Variants in METTL13 observed in about 807,000 individuals in gnomAD.
METTL13 encodes the protein methyltransferase 13, eEF1A N-terminus and K55, also known as eEF1A lysine and N-terminal methyltransferase.
Under a neutral mutation model 67.4 loss-of-function variants are expected in METTL13, and 52 were observed. The observed-to-expected ratio is 0.77, with a 90% CI of 0.62 to 0.97. METTL13 has a LOEUF of 0.97. Ranked by LOEUF, METTL13 falls within the 50% of genes least tolerant of loss-of-function variation. The pLI, the probability that METTL13 is intolerant of heterozygous loss-of-function variation, is 0.00. For synonymous variants in METTL13, 354 were observed against 353.6 expected (o/e 1.00, Z -0.01); for missense variants, 825 against 889.6 (o/e 0.93, Z 0.92).
Position 171,796,890 on chromosome 1 carries a change from TC to T in METTL13, c.*136del. 1 of 1,185,238 alleles carries T rather than the reference TC, an allele frequency of 8.4e-7. No homozygotes were observed. Among genetic ancestry groups the T allele is most frequent in the African/African-American group, 1.5e-5 (1 of 65,404 alleles). 73.4% of individuals were successfully genotyped at this position (1,185,238 alleles called of 1,614,324 possible). A position where few individuals can be genotyped will look rare whatever the true frequency, so the allele number is the denominator to read the frequency against. ...GTTTCACACTCAGCTACATGTGACC[TC>T]CAGCTTGGTGAGGTTGCCTGAAGAT... On this transcript the variant is annotated 3_prime_UTR_variant, in exon 8 of 8. Coordinates refer to ENST00000361735, the MANE Select transcript of METTL13 (RefSeq NM_015935.5).
chr1:171,782,041 G>T lies in METTL13; in HGVS notation c.74G>T (p.Gly25Val). The T allele has an allele frequency of 1.2e-6, 2 of 1,614,112 alleles. No homozygotes were observed. The highest frequency in any genetic ancestry group is 1.7e-6 in the Non-Finnish European group (2 of 1,180,018). The change falls in exon 1 of 8, where the codon GGA becomes GTA. Residue 25 changes from glycine to valine, a missense_variant. Physicochemically the swap from Gly to Val is moderately radical, Grantham distance 109. Transcript: ENST00000361735. ...DYWEKFFQQR[G>V]KKAFEWYGTY... The stretch of plus-strand genomic sequence containing the variant: ...TGGGAGAAGTTCTTCCAGCAGCGAG[G>T]AAAGAAAGCTTTCGAGTGGTATGGA...
chr1:171,783,630 C>T, intron 1 of METTL13, 110 bp from the exon 2 acceptor site: 3 of 1,303,272 alleles, frequency 2.3e-6, no homozygotes, highest in East Asian at 2.3e-5. Context: ...GTAGCGTCTC[C>T]ACCTTCTGAA....
chr1:171,792,615 A>T (rs1657244711), intron 6 of METTL13, among the ~76,000 whole-genome samples: 2 of 152,342 alleles, frequency 1.3e-5, no homozygotes, highest in Admixed American at 1.3e-4. Flanking sequence ...TTTCAACTGG[A>T]GGTAAAGCCA....
Position 171,784,128 on chromosome 1 carries a change from T to C in METTL13, c.542T>C (p.Val181Ala). 1 of 1,614,154 alleles carries C rather than the reference T, an allele frequency of 6.2e-7. No homozygotes were observed. Residue 181 changes from valine (V) to alanine (A), a missense_variant, in exon 2 of 8, where the codon GTG (valine) becomes GCG (alanine). Coordinates refer to ENST00000361735, the MANE Select transcript of METTL13 (RefSeq NM_015935.5). ...CACTTCTCCCGGGAGGGGTGGATGG[T>C]GAGGGTGCACCAAGTGGCCAACAGC... ...VGHFSREGWM[V>A]RVHQVANSQD...
chr1:171,796,360 A>G, intron 7 of METTL13, 122 bp from the exon 8 acceptor site: 2 of 1,175,990 alleles, frequency 1.7e-6, no homozygotes, highest in Non-Finnish European at 2.4e-6. Flanking sequence ...ACTCATCACC[A>G]CCGTGTGTTT....
intron 1 of METTL13, among the ~76,000 whole-genome samples, chr1:171,783,148 C>T (rs79441597): frequency 0.11 from 16,813 of 151,386 alleles, 1,364 homozygotes; most frequent in South Asian, 0.34. Flanking sequence ...AGCATATGCA[C>T]ATCTCTTTGT....
At position 171,784,026 on chromosome 1, in the gene METTL13, G is replaced by C; in HGVS notation, c.440G>C (p.Gly147Ala). 1 of 1,614,220 alleles carries C rather than the reference G, an allele frequency of 6.2e-7. No individual in the cohort carries two copies. The highest frequency in any genetic ancestry group is 8.5e-7 in the Non-Finnish European group (1 of 1,180,034). ...GTGGACAGGATGCTGGCTGAGGTTG[G>C]CCGTGTCCTGCAGGTGGGCGGTCGC... ...QQVDRMLAEV[G>A]RVLQVGGRYL... Residue 147 changes from glycine to alanine, a missense_variant, in exon 2 of 8, where the codon GGC becomes GCC. By Grantham distance (60) the Gly-to-Ala change is moderately conservative (BLOSUM62 0). Coordinates refer to ENST00000361735, the MANE Select transcript of METTL13 (RefSeq NM_015935.5).
chr1:171,785,845 C>G, intron 2 of METTL13, 34 bp from the exon 3 acceptor site: 1 of 1,605,102 alleles, frequency 6.2e-7, no homozygotes, highest in Non-Finnish European at 8.5e-7. Flanking sequence ...TGATCACTTT[C>G]CAGGACTCCC....
At chr1:171,784,699 C>G (rs1479431062) in intron 2 of METTL13, among the ~76,000 whole-genome samples, 200 bp downstream of exon 2, 1 of 152,172 alleles carries the variant, frequency 6.6e-6, no homozygotes, top group Admixed American at 6.5e-5. Flanking sequence ...TAGCAACCTA[C>G]TTGGAGTTGA....
chr1:171,789,378 G>T (rs1408507718), intron 4 of METTL13, among the ~76,000 whole-genome samples: 1 of 152,096 alleles, frequency 6.6e-6, no homozygotes, highest in Admixed American at 6.6e-5. Context: ...TGGCTTTTTA[G>T]GATTTATTTC....
Position 171,790,566 on chromosome 1 carries a change from A to G in METTL13, c.1424A>G (p.Lys475Arg). 3.1e-6 allele frequency: 5 copies of G among 1,606,984 alleles called. No individual in the cohort carries two copies. In the African/African-American group the frequency reaches 5.4e-5, roughly 17 times the overall value. ...AGTTACCTGTGTTGTGAACACCACA[A>G]AGCCATGATCGCTGGCCTTGCCCTG... The part of the protein sequence containing the change: ...DKSYLCCEHH[K>R]AMIAGLALLR... Residue 475 changes from lysine (K) to arginine (R), a missense_variant, in exon 5 of 8, where the codon AAA becomes AGA. Lys to Arg is a conservative substitution (Grantham distance 26, BLOSUM62 2). Transcript: ENST00000361735.
chr1:171,784,471 G>A lies in METTL13; in HGVS notation c.885G>A (p.Ser295=), dbSNP rs774535348. Reference sequence around the variant, plus strand: ...TGGACAGCCCCACTGTGAAACCATCGCGGGACAATCATTTTGCGATTTTCA... The same window carrying A: ...TGGACAGCCCCACTGTGAAACCATCACGGGACAATCATTTTGCGATTTTCA... The part of the protein sequence containing the change: ...HVVDSPTVKP[S]RDNHFAIFII... The change falls in exon 2 of 8, where the codon TCG becomes TCA. Residue 295 remains serine, a synonymous_variant. Transcript: ENST00000361735. 5 of 1,505,882 alleles carry A rather than the reference G, an allele frequency of 3.3e-6. No individual in the cohort carries two copies. The highest frequency in any genetic ancestry group is 1.4e-5 in the South Asian group (1 of 73,828). 93.3% of individuals were successfully genotyped at this position (1,505,882 alleles called of 1,614,324 possible). A position where few individuals can be genotyped will look rare whatever the true frequency, so the allele number is the denominator to read the frequency against.
At chr1:171,794,746 A>G (rs1266549231) in intron 7 of METTL13, among the ~76,000 whole-genome samples, 1 of 152,146 alleles carries the variant, frequency 6.6e-6, no homozygotes, top group Non-Finnish European at 1.5e-5. Context: ...TCACTGTCTT[A>G]ACATTTGTCC....
intron 4 of METTL13, among the ~76,000 whole-genome samples, chr1:171,789,910 A>C (rs1288918551): frequency 6.6e-6 from 1 of 152,078 alleles, no homozygotes; most frequent in South Asian, 2.1e-4. Context: ...CCACCACTGT[A>C]TTTGTTTGTT....
chr1:171,794,684 C>T (rs1657309441), intron 7 of METTL13, among the ~76,000 whole-genome samples, 157 bp downstream of exon 7: 1 of 152,218 alleles, frequency 6.6e-6, no homozygotes. Context: ...TCCAGCTTGC[C>T]AGAAAGTCGT....
In METTL13 at chr1:171,790,471, G is replaced by A. The variant is rs772981009; in HGVS notation, c.1329G>A (p.Lys443=). The change falls in exon 5 of 8, where the codon AAG becomes AAA. Residue 443 remains lysine (K), a synonymous_variant. Transcript: ENST00000361735. ...GTTTAGCCCAGAAGAAGCGGAAAAAGGACAGGAAGAAGCAGCGGCCTGCTG... is the reference window on the plus strand; with the variant it reads ...GTTTAGCCCAGAAGAAGCGGAAAAAAGACAGGAAGAAGCAGCGGCCTGCTG... The part of the protein sequence containing the change: ...VSHKAQKKRK[K]DRKKQRPADA... 1.2e-6 allele frequency: 2 copies of A among 1,602,538 alleles called. No homozygotes were observed. Among genetic ancestry groups the A allele is most frequent in the South Asian group, 2.2e-5 (2 of 89,130 alleles).
At position 171,796,856 on chromosome 1, in the gene METTL13, T is replaced by C; in HGVS notation, c.*100T>C. On this transcript the variant is annotated 3_prime_UTR_variant, in exon 8 of 8. Transcript: ENST00000361735. Reference sequence around the variant, plus strand: ...CGCACAGTACTTTTGAAGCTTCGTATTTTTCTTGGTTTCACACTCAGCTAC... The same window carrying C: ...CGCACAGTACTTTTGAAGCTTCGTACTTTTCTTGGTTTCACACTCAGCTAC... 1 of 1,460,492 alleles carries C rather than the reference T, an allele frequency of 6.8e-7. No individual in the cohort carries two copies. The highest frequency in any genetic ancestry group is 9.2e-7 in the Non-Finnish European group (1 of 1,091,810). 90.5% of individuals were successfully genotyped at this position (1,460,492 alleles called of 1,614,324 possible). A position where few individuals can be genotyped will look rare whatever the true frequency, so the allele number is the denominator to read the frequency against.
intron 3 of METTL13, among the ~76,000 whole-genome samples, chr1:171,786,288 G>C (rs537687037): frequency 1.3e-5 from 2 of 152,306 alleles, no homozygotes; most frequent in African/African-American, 4.8e-5. Context: ...GTCTGTGTCT[G>C]GGGGAGCCTC....
intron 1 of METTL13, among the ~76,000 whole-genome samples, chr1:171,783,410 A>G (rs1052028275): frequency 1.3e-5 from 2 of 152,182 alleles, no homozygotes; most frequent in African/African-American, 2.4e-5. Context: ...CTGTAACTCT[A>G]TATTTGGATT....
Sources: allele counts gnomAD v4.1 joint callset (sites outside exome capture counted in the v4.1 genomes callset), GRCh38; gene constraint gnomAD v4.1.1; transcripts MANE v1.5; gene names NCBI Gene and HGNC (gene_info 2026-07-23, HGNC 2026-07-21).